Variants in NUDCD3 observed in about 807,000 individuals in gnomAD.
NUDCD3 encodes nudC domain-containing protein 3.
NUDCD3 carries 13 observed loss-of-function variants against 39.7 expected under a neutral mutation model. That is an observed-to-expected ratio of 0.33 (90% CI 0.21 to 0.52). The LOEUF (loss-of-function observed/expected upper bound fraction) is 0.52, where lower values mean the gene tolerates loss of function less well. Ranked by LOEUF, NUDCD3 falls within the 20% of genes least tolerant of loss-of-function variation. The probability of loss-of-function intolerance (pLI) is 0.96; values close to 1 mark genes in which losing one functional copy is unlikely to be tolerated. For missense variants in NUDCD3, 453 were observed against 458.1 expected (o/e 0.99, Z 0.10); for synonymous variants, 175 against 172.4 (o/e 1.02, Z -0.12).
chr7:44,468,770 G>T (rs1459490281), intron 2 of NUDCD3, among the ~76,000 whole-genome samples: 3 of 152,016 alleles, frequency 2.0e-5, no homozygotes, highest in Non-Finnish European at 4.4e-5. Context: ...ATTCAAACCT[G>T]GAACTTCCTG....
chr7:44,410,520 C>T (rs1476382412), intron 3 of NUDCD3, among the ~76,000 whole-genome samples: 5 of 151,862 alleles, frequency 3.3e-5, no homozygotes, highest in African/African-American at 1.2e-4. Context: ...AAAAATTATC[C>T]GGGTGTGGTG....
At position 44,450,005 on chromosome 7, in the gene NUDCD3, T is replaced by C. The variant is rs1183958856; in HGVS notation, c.510-22302A>G. 3.3e-5 allele frequency among the ~76,000 whole-genome samples: 5 copies of C among 152,130 alleles called. 1 individual carries two copies. Among genetic ancestry groups the C allele is most frequent in the African/African-American group, 4.8e-5 (2 of 41,434 alleles). On this transcript the variant is annotated intron_variant, in intron 2 of 5. Coordinates refer to ENST00000355451, the MANE Select transcript of NUDCD3 (RefSeq NM_015332.4). ...TGATAAAGTACTCAGATCCAGAATATGCAGAAAGCTCTCAAAATTCAATAA... is the reference window on the plus strand; with the variant it reads ...TGATAAAGTACTCAGATCCAGAATACGCAGAAAGCTCTCAAAATTCAATAA...
intron 2 of NUDCD3, 92 bp downstream of exon 2, chr7:44,484,872 GAATT>G (rs1800571385): frequency 4.4e-6 from 4 of 909,728 alleles, no homozygotes; most frequent in Non-Finnish European, 5.0e-6. Flanking sequence ...CTGAGATCAA[GAATT>G]AATGTGTTAC....
chr7:44,413,053 G>A (rs1171812623), intron 3 of NUDCD3: 2 of 151,674 alleles, frequency 1.3e-5, no homozygotes, highest in Non-Finnish European at 2.9e-5. Flanking sequence ...TCAAATAACT[G>A]ACCAAAGAAA....
intron 4 of NUDCD3, among the ~76,000 whole-genome samples, chr7:44,402,344 C>T (rs1224752559): frequency 6.6e-6 from 1 of 152,176 alleles, no homozygotes; most frequent in Non-Finnish European, 1.5e-5. Flanking sequence ...ATCCCTATTC[C>T]ACTTGTATTA....
intron 2 of NUDCD3, among the ~76,000 whole-genome samples, chr7:44,450,038 AC>A (rs1799765186): frequency 6.6e-6 from 1 of 152,182 alleles, no homozygotes; most frequent in African/African-American, 2.4e-5. Flanking sequence ...TAATAAGAAA[AC>A]AACCCAATTT....
chr7:44,472,841 G>C (rs141662978), intron 2 of NUDCD3, among the ~76,000 whole-genome samples: 1 of 152,168 alleles, frequency 6.6e-6, no homozygotes, highest in Non-Finnish European at 1.5e-5. Flanking sequence ...GGATGGGGTC[G>C]GGTACTCTGA....
At chr7:44,401,442 T>C (rs1424465073) in intron 4 of NUDCD3, among the ~76,000 whole-genome samples, 1 of 152,210 alleles carries the variant, frequency 6.6e-6, no homozygotes, top group Non-Finnish European at 1.5e-5. Context: ...CAGTAGAGGC[T>C]ACGTGGTCCA....
At chr7:44,462,371 C>G (rs532029047) in intron 2 of NUDCD3, among the ~76,000 whole-genome samples, 1 of 152,302 alleles carries the variant, frequency 6.6e-6, no homozygotes, top group South Asian at 2.1e-4. Context: ...ATGTGTGCCA[C>G]TAGCATCTCA....
intron 3 of NUDCD3, among the ~76,000 whole-genome samples, chr7:44,426,719 C>A (rs1178980300): frequency 6.6e-6 from 1 of 151,086 alleles, no homozygotes; most frequent in East Asian, 1.9e-4. Context: ...TGGCGTGAAC[C>A]CGGGAGGCGG....
chr7:44,453,508 T>C (rs571366347), intron 2 of NUDCD3, among the ~76,000 whole-genome samples: 2 of 152,316 alleles, frequency 1.3e-5, no homozygotes, highest in African/African-American at 4.8e-5. Flanking sequence ...AGAATTTTTT[T>C]CTGGACTTTA....
At chr7:44,480,064 G>A (rs943085925) in intron 2 of NUDCD3, among the ~76,000 whole-genome samples, 9 of 152,138 alleles carry the variant, frequency 5.9e-5, no homozygotes, top group African/African-American at 2.2e-4. Flanking sequence ...CAAGTAGAAA[G>A]GTTAGCTTTC....
intron 2 of NUDCD3, among the ~76,000 whole-genome samples, chr7:44,453,332 G>C (rs999434091): frequency 4.0e-5 from 6 of 151,838 alleles, no homozygotes; most frequent in African/African-American, 1.5e-4. Flanking sequence ...CAGCCTAGGC[G>C]ACAGAGTGAG....
At chr7:44,421,511 GTTGCAATT>G (rs1799140349) in intron 3 of NUDCD3, among the ~76,000 whole-genome samples, 1 of 150,192 alleles carries the variant, frequency 6.7e-6, no homozygotes, top group African/African-American at 2.4e-5. Flanking sequence ...AAAAGCAGGG[GTTGCAATT>G]CTAATCTCTG....
chr7:44,415,527 T>C (rs567383158), intron 3 of NUDCD3, among the ~76,000 whole-genome samples: 81 of 152,348 alleles, frequency 5.3e-4, no homozygotes, highest in African/African-American at 1.9e-3. Context: ...AGGAACACTT[T>C]CTAGTTTTCT....
intron 2 of NUDCD3, 35 bp downstream of exon 2, chr7:44,484,933 A>C (rs572026663): frequency 6.7e-7 from 1 of 1,499,552 alleles, no homozygotes; most frequent in East Asian, 2.3e-5. Flanking sequence ...GATGTTACGC[A>C]AGAAAGAAGG....
At chr7:44,454,875 A>C (rs961105011) in intron 2 of NUDCD3, among the ~76,000 whole-genome samples, 1 of 152,074 alleles carries the variant, frequency 6.6e-6, no homozygotes, top group Admixed American at 6.6e-5. Flanking sequence ...TCGAGGCTGC[A>C]GTGAGCCAAG....
chr7:44,482,448 T>G (rs1161784418), intron 2 of NUDCD3, among the ~76,000 whole-genome samples: 1 of 152,210 alleles, frequency 6.6e-6, no homozygotes, highest in Non-Finnish European at 1.5e-5. Context: ...CCAGACACAT[T>G]GGTGCACACC....
chr7:44,477,898 A>G (rs1243434817), intron 2 of NUDCD3, among the ~76,000 whole-genome samples: 2 of 147,492 alleles, frequency 1.4e-5, no homozygotes, highest in Non-Finnish European at 3.0e-5. Flanking sequence ...CAGTGGCACA[A>G]TCTCAACTCA....
Sources: allele counts gnomAD v4.1 joint callset (sites outside exome capture counted in the v4.1 genomes callset), GRCh38; gene constraint gnomAD v4.1.1; transcripts MANE v1.5; gene names NCBI Gene and HGNC (gene_info 2026-07-23, HGNC 2026-07-21).